CFAP97: variants seen among roughly 807,000 people sequenced by gnomAD.
CFAP97 encodes cilia- and flagella-associated protein 97.
Under a neutral mutation model 43.1 loss-of-function variants are expected in CFAP97, and 36 were observed. The ratio of observed to expected loss-of-function variants is 0.84; its 90% CI spans 0.64 to 1.10. The LOEUF (loss-of-function observed/expected upper bound fraction) is 1.10. Ranked by LOEUF, CFAP97 falls within the 50% of genes least tolerant of loss-of-function variation. The probability of loss-of-function intolerance (pLI) is 0.00; values close to 1 mark genes in which losing one functional copy is unlikely to be tolerated. For synonymous variants in CFAP97, 228 were observed against 225.7 expected (o/e 1.01, Z -0.09); for missense variants, 657 against 620.3 (o/e 1.06, Z -0.63).
chr4:185,181,447 T>A, intron 2 of CFAP97, among the ~76,000 whole-genome samples: 1 of 147,010 alleles, frequency 6.8e-6, no homozygotes, highest in African/African-American at 2.5e-5. Context: ...TGCCTCAGCC[T>A]CCCGAGTAGC....
chr4:185,164,366 T>C (rs1734990711), intron 3 of CFAP97, among the ~76,000 whole-genome samples, 187 bp from the exon 4 acceptor site: 1 of 152,106 alleles, frequency 6.6e-6, no homozygotes, highest in African/African-American at 2.4e-5. Context: ...GCCTCTCAAG[T>C]AGCTGGTATT....
Position 185,160,893 on chromosome 4 carries a change from A to C in CFAP97, c.*1905T>G, listed in dbSNP as rs1734851455. 1 of 147,054 alleles carries C rather than the reference A, an allele frequency of 6.8e-6. No individual in the cohort carries two copies. 9.1% of individuals were successfully genotyped at this position (147,054 alleles called of 1,614,324 possible). On this transcript the variant is annotated 3_prime_UTR_variant, in exon 5 of 5. Transcript: ENST00000458385. ...AGATTTTTAAAATAAAATTTATAAA[A>C]AAGATTTTTTATATATATAAAAAGA...
intron 3 of CFAP97, among the ~76,000 whole-genome samples, chr4:185,168,004 A>T (rs1055710098): frequency 4.6e-5 from 7 of 151,570 alleles, no homozygotes; most frequent in African/African-American, 1.7e-4. Flanking sequence ...TTCTCAAAAA[A>T]AAAAAAAAAA....
chr4:185,202,172 T>G (rs1736867416), intron 1 of CFAP97, among the ~76,000 whole-genome samples: 1 of 152,112 alleles, frequency 6.6e-6, no homozygotes, highest in Non-Finnish European at 1.5e-5. Context: ...ACAAAGGAGT[T>G]TGGAGTTAGG....
In CFAP97 at chr4:185,160,363, C is replaced by G. The variant is rs1428055017; in HGVS notation, c.*2435G>C. On this transcript the variant is annotated 3_prime_UTR_variant, in exon 5 of 5. Transcript: ENST00000458385. ...ATCTTCAAAGTACATATATTCAGTA[C>G]AAGTCAAAAAAAAAATAAAATAAAA... 1 of 146,216 alleles carries G rather than the reference C, an allele frequency of 6.8e-6. No individual in the cohort carries two copies. Among genetic ancestry groups the G allele is most frequent in the Non-Finnish European group, 1.5e-5 (1 of 67,034 alleles). 9.1% of individuals were successfully genotyped at this position (146,216 alleles called of 1,614,324 possible).
At chr4:185,165,986 C>G (rs1210177464) in intron 3 of CFAP97, among the ~76,000 whole-genome samples, 1 of 152,164 alleles carries the variant, frequency 6.6e-6, no homozygotes, top group Non-Finnish European at 1.5e-5. Context: ...AGGCAAACAG[C>G]AGAGGTGCAA....
upstream of CFAP97, among the ~76,000 whole-genome samples, chr4:185,207,042 TC>T (rs1200576711): frequency 1.3e-5 from 2 of 152,216 alleles, no homozygotes; most frequent in East Asian, 3.9e-4. Context: ...TTTTGTTCTT[TC>T]TGGGCCACAG....
At chr4:185,200,564 T>A (rs1168043528) in intron 1 of CFAP97, among the ~76,000 whole-genome samples, 1 of 151,506 alleles carries the variant, frequency 6.6e-6, no homozygotes, top group African/African-American at 2.4e-5. Context: ...CACTTGAACC[T>A]GGGAGGTAGA....
chr4:185,187,041 G>C (rs868089006), intron 2 of CFAP97, among the ~76,000 whole-genome samples: 23 of 152,256 alleles, frequency 1.5e-4, no homozygotes, highest in African/African-American at 5.3e-4. Flanking sequence ...CTGGAAAGTG[G>C]CCATAAGAAT....
intron 3 of CFAP97, among the ~76,000 whole-genome samples, chr4:185,171,892 A>G (rs1168502238): frequency 6.6e-6 from 1 of 151,950 alleles, no homozygotes; most frequent in Non-Finnish European, 1.5e-5. Flanking sequence ...ATGCATCACC[A>G]CACCTGGCTA....
chr4:185,204,376 C>T (rs1472879477), upstream of CFAP97: 1 of 152,220 alleles, frequency 6.6e-6, no homozygotes, highest in Non-Finnish European at 1.5e-5. Context: ...GTGATATTTT[C>T]TATCAGCAAA....
In CFAP97 at chr4:185,177,413, C is replaced by CAA. The variant is rs35714715; in HGVS notation, c.1055-1364_1055-1363dup. Among the ~76,000 whole-genome samples, 1,288 of 143,010 alleles carry CAA rather than the reference C, an allele frequency of 9.0e-3. 8 individuals are homozygous for CAA. Among genetic ancestry groups the CAA allele is most frequent in the Non-Finnish European group, 0.012 (781 of 64,876 alleles). 93.8% of individuals were successfully genotyped at this position (143,010 alleles called of 152,430 possible). A position where few individuals can be genotyped will look rare whatever the true frequency, so the allele number is the denominator to read the frequency against. On this transcript the variant is annotated intron_variant, in intron 2 of 4. Transcript: ENST00000458385. ...GAGCAACAGAGTAAGACTCTGTCTCCAAAAAAAAAAAAGGAATACACGATA... is the reference window on the plus strand; with the variant it reads ...GAGCAACAGAGTAAGACTCTGTCTCCAAAAAAAAAAAAAAGGAATACACGATA...
chr4:185,174,309 G>A (rs141629823), intron 3 of CFAP97, among the ~76,000 whole-genome samples: 355 of 152,270 alleles, frequency 2.3e-3, no homozygotes, highest in African/African-American at 8.2e-3. Context: ...TGAATACTGC[G>A]AAGGTGATGT....
rs1476076452 is a variant in CFAP97 at position 185,190,318 on chromosome 4, T to C, written c.879A>G (p.Glu293=). The C allele has an allele frequency of 9.3e-6, 15 of 1,605,024 alleles. No individual in the cohort carries two copies. The highest frequency in any genetic ancestry group is 1.3e-5 in the Non-Finnish European group (15 of 1,174,676). The stretch of plus-strand genomic sequence containing the variant: ...AATTATTTTTCAAATCCTCAACATC[T>C]TCATATATTTCTTGGCTCACATTTT... The part of the protein sequence containing the change: ...KQENVSQEIY[E]DVEDLKNNSK... The change falls in exon 2 of 5, where the codon GAA becomes GAG. Residue 293 remains glutamate, a synonymous_variant. Coordinates refer to ENST00000458385, the MANE Select transcript of CFAP97 (RefSeq NM_020827.3).
chr4:185,165,471 G>A (rs185542722), intron 3 of CFAP97, among the ~76,000 whole-genome samples: 14 of 152,126 alleles, frequency 9.2e-5, no homozygotes, highest in South Asian at 2.1e-4. Context: ...TTGGCTTTTC[G>A]TAGGCATTGT....
At chr4:185,197,568 C>T (rs749990190) in intron 1 of CFAP97, among the ~76,000 whole-genome samples, 1 of 152,168 alleles carries the variant, frequency 6.6e-6, no homozygotes, top group African/African-American at 2.4e-5. Flanking sequence ...GCTGGAATTA[C>T]AGGCACGTGC....
At chr4:185,170,631 C>T (rs775236165) in intron 3 of CFAP97, among the ~76,000 whole-genome samples, 23 of 151,492 alleles carry the variant, frequency 1.5e-4, no homozygotes, top group Non-Finnish European at 2.2e-4. Flanking sequence ...CCAGGGTGGT[C>T]TCCAACTCCT....
At chr4:185,164,447 C>T (rs1307157458) in intron 3 of CFAP97, among the ~76,000 whole-genome samples, 1 of 152,126 alleles carries the variant, frequency 6.6e-6, no homozygotes, top group Non-Finnish European at 1.5e-5. Context: ...AAAAACATTT[C>T]AAATAATATA....
intron 2 of CFAP97, chr4:185,182,258 G>A (rs1476670642): frequency 4.0e-5 from 6 of 151,640 alleles, no homozygotes; most frequent in Non-Finnish European, 4.4e-5. Context: ...CTAAACTTCT[G>A]TTTACTACTC....
Sources: allele counts gnomAD v4.1 joint callset (sites outside exome capture counted in the v4.1 genomes callset), GRCh38; gene constraint gnomAD v4.1.1; transcripts MANE v1.5; gene names NCBI Gene and HGNC (gene_info 2026-07-23, HGNC 2026-07-21).